The following TRIB1 variants were observed in gnomAD, a reference collection of about 807,000 sequenced individuals.
The protein encoded by TRIB1 is tribbles homolog 1.
TRIB1 carries 12 observed loss-of-function variants against 27.8 expected under a neutral mutation model. That is an observed-to-expected ratio of 0.43 (90% CI 0.28 to 0.70). The LOEUF (loss-of-function observed/expected upper bound fraction) is 0.70. Ranked by LOEUF, TRIB1 falls within the 30% of genes least tolerant of loss-of-function variation. The pLI is 0.18. For missense variants in TRIB1, 475 were observed against 515.8 expected, an observed-to-expected ratio of 0.92 and a Z score of 0.77; for synonymous variants, 230 against 224.9, an observed-to-expected ratio of 1.02 and a Z score of -0.20.
rs767050256 is a variant in TRIB1, at chr8:125,431,086, C to A, written c.184C>A (p.Pro62Thr). The change falls in exon 1 of 3, where the codon CCC becomes ACC. Residue 62 changes from proline to threonine, a missense_variant. Physicochemically the swap from Pro to Thr is conservative, Grantham distance 38. Transcript: ENST00000311922. ...CTCCAGCCCCCCGGACTACCTCAGC[C>A]CCCCCGGCTCGCCCTGCAGCCCGCA... ...ECSSPPDYLS[P>T]PGSPCSPQPP... 109 of 1,389,282 alleles carry A rather than the reference C, an allele frequency of 7.8e-5. No homozygotes were observed. Among genetic ancestry groups the A allele is most frequent in the Admixed American group, 3.4e-4 (10 of 29,340 alleles). The allele number at this position is 1,389,282 out of a possible 1,614,324, so 86.1% of individuals were successfully genotyped here.
rs1325836053 is a variant in TRIB1 at position 125,430,420 on chromosome 8, C to A, written c.-483C>A. On this transcript the variant is annotated 5_prime_UTR_variant, in exon 1 of 3. Coordinates refer to ENST00000311922, the MANE Select transcript of TRIB1 (RefSeq NM_025195.4). ...CTCGCTCTCATACACGCCCGGAGCC[C>A]AGGAGCGCTCAGGATCCCGAGCGCC... The A allele has an allele frequency of 6.5e-6, 1 of 154,822 alleles. No individual in the cohort carries two copies. Among genetic ancestry groups the A allele is most frequent in the African/African-American group, 2.4e-5 (1 of 41,622 alleles). 9.6% of individuals were successfully genotyped at this position (154,822 alleles called of 1,614,324 possible).
Position 125,430,748 on chromosome 8 carries a change from T to A in TRIB1, c.-155T>A, listed in dbSNP as rs1814639673. 9.8e-7 allele frequency: 1 copy of A among 1,024,030 alleles called. No individual in the cohort carries two copies. Among genetic ancestry groups the A allele is most frequent in the African/African-American group, 1.7e-5 (1 of 59,182 alleles). 63.4% of individuals were successfully genotyped at this position (1,024,030 alleles called of 1,614,324 possible). A position where few individuals can be genotyped will look rare whatever the true frequency, so the allele number is the denominator to read the frequency against. Reference sequence around the variant, plus strand: ...TGCAACGCGAGCGCCGGGGAGTGGCTCCTGCTTTGCCCCTCGTGGGGGCCG... The same window carrying A: ...TGCAACGCGAGCGCCGGGGAGTGGCACCTGCTTTGCCCCTCGTGGGGGCCG... On this transcript the variant is annotated 5_prime_UTR_variant, in exon 1 of 3. Transcript: ENST00000311922.
rs1360365139 is a variant in TRIB1, at chr8:125,437,402, A to G, written c.*931A>G. 1 of 152,366 alleles carries G rather than the reference A, an allele frequency of 6.6e-6. No individual in the cohort carries two copies. The highest frequency in any genetic ancestry group is 1.5e-5 in the Non-Finnish European group (1 of 68,034). 9.4% of individuals were successfully genotyped at this position (152,366 alleles called of 1,614,324 possible). ...TCCCACCCACCTCTCCCAAGAGCAGACATTAAACATCTTTGTGCTTTGAAG... is the reference window on the plus strand; with the variant it reads ...TCCCACCCACCTCTCCCAAGAGCAGGCATTAAACATCTTTGTGCTTTGAAG... On this transcript the variant is annotated 3_prime_UTR_variant, in exon 3 of 3. Coordinates refer to ENST00000311922, the MANE Select transcript of TRIB1 (RefSeq NM_025195.4).
In TRIB1 at chr8:125,430,990, C is replaced by G; in HGVS notation, c.88C>G (p.Pro30Ala). 1 of 1,467,396 alleles carries G rather than the reference C, an allele frequency of 6.8e-7. No individual in the cohort carries two copies. The highest frequency in any genetic ancestry group is 8.9e-7 in the Non-Finnish European group (1 of 1,118,328). The allele number at this position is 1,467,396 out of a possible 1,614,324, so 90.9% of individuals were successfully genotyped here. A position where few individuals can be genotyped will look rare whatever the true frequency, so the allele number is the denominator to read the frequency against. The change falls in exon 1 of 3, where the codon CCG becomes GCG. Residue 30 changes from proline to alanine, a missense_variant. Pro to Ala is a conservative substitution (Grantham distance 27). Coordinates refer to ENST00000311922, the MANE Select transcript of TRIB1 (RefSeq NM_025195.4). The stretch of plus-strand genomic sequence containing the variant: ...GCTCTTCCCAGCCACCCGAGGCGTC[C>G]CGGCCAAACGCCTGCTGGACGCCGA... Reference protein sequence around the residue: ...ALLFPATRGVPAKRLLDADDA... With the variant: ...ALLFPATRGVAAKRLLDADDA...
chr8:125,431,082 C>T lies in TRIB1; in HGVS notation c.180C>T (p.Leu60=), dbSNP rs1027303156. The T allele has an allele frequency of 1.4e-6, 2 of 1,398,688 alleles. No individual in the cohort carries two copies. The highest frequency in any genetic ancestry group is 3.0e-5 in the African/African-American group (2 of 66,016). The allele number at this position is 1,398,688 out of a possible 1,614,324, so 86.6% of individuals were successfully genotyped here. A position where few individuals can be genotyped will look rare whatever the true frequency, so the allele number is the denominator to read the frequency against. ...AGTGCTCCAGCCCCCCGGACTACCTCAGCCCCCCCGGCTCGCCCTGCAGCC... is the reference window on the plus strand; with the variant it reads ...AGTGCTCCAGCCCCCCGGACTACCTTAGCCCCCCCGGCTCGCCCTGCAGCC... ...LSECSSPPDY[L]SPPGSPCSPQ... is the part of the protein sequence containing the mutation. The change falls in exon 1 of 3, where the codon CTC becomes CTT. Residue 60 remains leucine, a synonymous_variant. Coordinates refer to ENST00000311922, the MANE Select transcript of TRIB1 (RefSeq NM_025195.4).
chr8:125,433,687 T>G lies in TRIB1; in HGVS notation c.653+78T>G. The G allele has an allele frequency of 6.6e-7, 1 of 1,514,102 alleles. No homozygotes were observed. Among genetic ancestry groups the G allele is most frequent in the South Asian group, 1.2e-5 (1 of 80,720 alleles). 93.8% of individuals were successfully genotyped at this position (1,514,102 alleles called of 1,614,324 possible). ...GCAGGTCATGTAGTTAGGTGCTGTG[T>G]GTTGGTGCAAAACAAAGTCAAGGGC... is the stretch of plus-strand genomic sequence containing the variant. On this transcript the variant is annotated intron_variant, in intron 2 of 2. Coordinates refer to ENST00000311922, the MANE Select transcript of TRIB1 (RefSeq NM_025195.4). The surrounding 1 kb of genome is among the most constrained non-coding windows in gnomAD (Gnocchi z 4.4).
At chr8:125,435,452 T>G (rs1814732596) in intron 2 of TRIB1, among the ~76,000 whole-genome samples, 1 of 152,200 alleles carries the variant, frequency 6.6e-6, no homozygotes, top group Non-Finnish European at 1.5e-5. Context: ...AGGACAAAGT[T>G]TGCTCTGTGT....
Position 125,433,383 on chromosome 8 carries a change from A to G in TRIB1, c.427A>G (p.Ile143Val), listed in dbSNP as rs1239143332. ...PYIQLPSHSN[I>V]TGIVEVILGE... Reference sequence around the variant, plus strand: ...CATCCAGCTGCCATCGCACAGCAACATTACTGGCATTGTGGAAGTGATCCT... The same window carrying G: ...CATCCAGCTGCCATCGCACAGCAACGTTACTGGCATTGTGGAAGTGATCCT... The change falls in exon 2 of 3, where the codon ATT (isoleucine) becomes GTT (valine). Residue 143 changes from isoleucine (I) to valine (V), a missense_variant. Coordinates refer to ENST00000311922, the MANE Select transcript of TRIB1 (RefSeq NM_025195.4). The surrounding 1 kb of genome is among the most constrained non-coding windows in gnomAD (Gnocchi z 4.4). 1.2e-6 allele frequency: 2 copies of G among 1,614,194 alleles called. No homozygotes were observed. Among genetic ancestry groups the G allele is most frequent in the South Asian group, 1.1e-5 (1 of 91,084 alleles).
chr8:125,432,267 G>GAAAA, intron 1 of TRIB1: 2 of 960,498 alleles, frequency 2.1e-6, no homozygotes, highest in Non-Finnish European at 2.5e-6. Context: ...TAATAGGGAG[G>GAAAA]AAAAAAAAAC....
chr8:125,433,191 T>G lies in TRIB1; in HGVS notation c.361-126T>G, dbSNP rs1586848055. On this transcript the variant is annotated intron_variant, in intron 1 of 2. Transcript: ENST00000311922. The surrounding 1 kb of genome is among the most constrained non-coding windows in gnomAD (Gnocchi z 4.4). ...AAGGTAAGGTGGCAGAGGAAAGGAG[T>G]AGGTGAATGGAACTTACTCACATCC... 1.0e-6 allele frequency: 1 copy of G among 986,052 alleles called. No homozygotes were observed. Among genetic ancestry groups the G allele is most frequent in the East Asian group, 2.5e-5 (1 of 40,816 alleles). The allele number at this position is 986,052 out of a possible 1,614,324, so 61.1% of individuals were successfully genotyped here. A position where few individuals can be genotyped will look rare whatever the true frequency, so the allele number is the denominator to read the frequency against.
intron 1 of TRIB1, chr8:125,432,267 GAAA>G: frequency 1.0e-6 from 1 of 960,708 alleles, no homozygotes; most frequent in Non-Finnish European, 1.2e-6. Flanking sequence ...TAATAGGGAG[GAAA>G]AAAAAACCTT....
chr8:125,435,545 G>A (rs930157113), intron 2 of TRIB1, among the ~76,000 whole-genome samples: 3 of 152,160 alleles, frequency 2.0e-5, no homozygotes, highest in Non-Finnish European at 2.9e-5. Context: ...AATGCAGTGT[G>A]GGTCCAGGTA....
chr8:125,430,955 G>A lies in TRIB1; in HGVS notation c.53G>A (p.Gly18Asp). Residue 18 changes from glycine to aspartate, a missense_variant, in exon 1 of 3, where the codon GGC becomes GAC. Physicochemically the swap from Gly to Asp is moderately conservative, Grantham distance 94. Transcript: ENST00000311922. ...ATGAGCGGCGCCTCGCAGCCCCGCG[G>A]CCCGGCCCTGCTCTTCCCAGCCACC... is the stretch of plus-strand genomic sequence containing the variant. ...SAMSGASQPR[G>D]PALLFPATRG... is the part of the protein sequence containing the mutation. 1 of 1,472,260 alleles carries A rather than the reference G, an allele frequency of 6.8e-7. No homozygotes were observed. Among genetic ancestry groups the A allele is most frequent in the Non-Finnish European group, 8.9e-7 (1 of 1,119,752 alleles). 91.2% of individuals were successfully genotyped at this position (1,472,260 alleles called of 1,614,324 possible).
chr8:125,437,154 A>G lies in TRIB1; in HGVS notation c.*683A>G, dbSNP rs577356981. ...CACTTCCCCCTTTAGCTATAAAAGC[A>G]CTTACCAGCCGAACGTGGAACAGTA... On this transcript the variant is annotated 3_prime_UTR_variant, in exon 3 of 3. Coordinates refer to ENST00000311922, the MANE Select transcript of TRIB1 (RefSeq NM_025195.4). 2 of 152,584 alleles carry G rather than the reference A, an allele frequency of 1.3e-5. No individual in the cohort carries two copies. Among genetic ancestry groups the G allele is most frequent in the Admixed American group, 6.5e-5 (1 of 15,314 alleles). 9.5% of individuals were successfully genotyped at this position (152,584 alleles called of 1,614,324 possible).
In TRIB1 at chr8:125,437,386, C is replaced by T. The variant is rs1342149168; in HGVS notation, c.*915C>T. 1 of 152,362 alleles carries T rather than the reference C, an allele frequency of 6.6e-6. No homozygotes were observed. The highest frequency in any genetic ancestry group is 1.9e-4 in the East Asian group (1 of 5,344). The allele number at this position is 152,362 out of a possible 1,614,324, so 9.4% of individuals were successfully genotyped here. On this transcript the variant is annotated 3_prime_UTR_variant, in exon 3 of 3. Transcript: ENST00000311922. Reference sequence around the variant, plus strand: ...AGAAAGATAAGGAGGCTCCCACCCACCTCTCCCAAGAGCAGACATTAAACA... The same window carrying T: ...AGAAAGATAAGGAGGCTCCCACCCATCTCTCCCAAGAGCAGACATTAAACA...
At position 125,436,470 on chromosome 8, in the gene TRIB1, A is replaced by C. The variant is rs1353168487; in HGVS notation, c.1118A>C (p.Ter373SerextTer11). The change falls in exon 3 of 3, where the codon TAA becomes TCA. Residue 373 changes from the stop codon to serine, a stop_lost. Transcript: ENST00000311922. ...AGTGACATTAGTTCCTTCTTCTGCT[A>C]ATCCCCAAAACCTCAGAAACCTCAT... ...EDSDISSFFC[*>S] 1.2e-6 allele frequency: 2 copies of C among 1,612,574 alleles called. No homozygotes were observed. Among genetic ancestry groups the C allele is most frequent in the Non-Finnish European group, 1.7e-6 (2 of 1,178,926 alleles).
At chr8:125,434,377 G>T (rs56768317) in intron 2 of TRIB1, among the ~76,000 whole-genome samples, 1 of 152,316 alleles carries the variant, frequency 6.6e-6, no homozygotes, top group African/African-American at 2.4e-5. Context: ...AAGCAGTAAG[G>T]CTGTAACATT....
rs1239505198 is a variant in TRIB1 at position 125,437,556 on chromosome 8, T to C, written c.*1085T>C. The C allele has an allele frequency of 1.3e-5, 2 of 152,366 alleles. No homozygotes were observed. Among genetic ancestry groups the C allele is most frequent in the African/African-American group, 4.8e-5 (2 of 41,454 alleles). The allele number at this position is 152,366 out of a possible 1,614,324, so 9.4% of individuals were successfully genotyped here. Reference sequence around the variant, plus strand: ...AGTTTTGCATGGTGGGTTGTTAATATTTCAAATGTGTGGTTTATGAATACG... The same window carrying C: ...AGTTTTGCATGGTGGGTTGTTAATACTTCAAATGTGTGGTTTATGAATACG... On this transcript the variant is annotated 3_prime_UTR_variant, in exon 3 of 3. Transcript: ENST00000311922.
chr8:125,431,159 CG>C lies in TRIB1; in HGVS notation c.261del (p.Ser89AlafsTer11). The C allele has an allele frequency of 7.7e-7, 1 of 1,305,792 alleles. No individual in the cohort carries two copies. Among genetic ancestry groups the C allele is most frequent in the Non-Finnish European group, 9.7e-7 (1 of 1,034,072 alleles). The allele number at this position is 1,305,792 out of a possible 1,614,324, so 80.9% of individuals were successfully genotyped here. A position where few individuals can be genotyped will look rare whatever the true frequency, so the allele number is the denominator to read the frequency against. On this transcript the variant is annotated frameshift_variant, in exon 1 of 3. Coordinates refer to ENST00000311922, the MANE Select transcript of TRIB1 (RefSeq NM_025195.4). LOFTEE classifies it high-confidence loss of function. The stretch of plus-strand genomic sequence containing the variant: ...GCCGGCGGAGGCTCCGGGAGCGCGC[CG>C]GGGCCCAGCCGCATCGCCGACTACC... ...PGAGGGSGSA[P>X]GPSRIADYLL...
Sources: gnomAD v4.1 joint callset for allele counts (sites outside exome capture counted in the v4.1 genomes callset) on GRCh38, gnomAD v4.1.1 for gene constraint, Gnocchi (gnomAD v3.1) non-coding constraint, MANE v1.5 for transcripts, NCBI Gene and HGNC (gene_info 2026-07-23, HGNC 2026-07-21) for gene names.